Variants in SPIDR observed in about 807,000 individuals in gnomAD.
SPIDR encodes DNA repair-scaffolding protein.
In SPIDR, 93 loss-of-function variants were observed where a neutral mutation model predicts 104.6. That is an observed-to-expected ratio of 0.89 (90% CI 0.75 to 1.06). The LOEUF is 1.06. SPIDR is among the 50% of genes least tolerant of loss of function. The pLI is 0.00. For synonymous variants in SPIDR, 431 were observed against 416.9 expected (o/e 1.03, Z -0.41); for missense variants, 1,154 against 1,111.2 (o/e 1.04, Z -0.55).
At chr8:47,432,747 GA>G (rs1213940972) in intron 7 of SPIDR, among the ~76,000 whole-genome samples, 1 of 152,180 alleles carries the variant, frequency 6.6e-6, no homozygotes, top group Non-Finnish European at 1.5e-5. Context: ...TTGCTTGAAG[GA>G]AGCTACGGGA....
At chr8:47,303,035 C>T (rs2042452712) in intron 5 of SPIDR, among the ~76,000 whole-genome samples, 2 of 152,318 alleles carry the variant, frequency 1.3e-5, no homozygotes, top group African/African-American at 4.8e-5. Context: ...TTATGCCCTG[C>T]CCCCAGAGGT....
chr8:47,567,489 G>C (rs2058016850), intron 8 of SPIDR, among the ~76,000 whole-genome samples: 1 of 152,112 alleles, frequency 6.6e-6, no homozygotes, highest in South Asian at 2.1e-4. Flanking sequence ...AAAGTGCTGA[G>C]ATTACAGGTG....
chr8:47,301,509 C>T (rs2042086406), intron 5 of SPIDR, among the ~76,000 whole-genome samples: 1 of 151,622 alleles, frequency 6.6e-6, no homozygotes, highest in South Asian at 2.1e-4. Context: ...GGTTATTTTG[C>T]TCATTAGTTG....
chr8:47,454,630 A>G (rs1402677383), intron 8 of SPIDR, among the ~76,000 whole-genome samples: 1 of 152,174 alleles, frequency 6.6e-6, no homozygotes, highest in Non-Finnish European at 1.5e-5. Context: ...AACTTAAAGT[A>G]TAATAAAAAT....
intron 8 of SPIDR, among the ~76,000 whole-genome samples, chr8:47,587,297 A>G (rs2060351544): frequency 6.6e-6 from 1 of 152,098 alleles, no homozygotes. Context: ...ATCCTTCCTT[A>G]ATTGAATTGC....
chr8:47,424,180 A>G (rs1554683021), intron 7 of SPIDR, among the ~76,000 whole-genome samples: 1 of 152,212 alleles, frequency 6.6e-6, no homozygotes. Context: ...AACTGAGTTC[A>G]GGAGATGTGA....
intron 8 of SPIDR, chr8:47,547,178 G>C: frequency 3.1e-6 from 2 of 638,820 alleles, no homozygotes; most frequent in South Asian, 2.9e-5. Flanking sequence ...TGAGTCACCA[G>C]ATGAGGGATT....
At chr8:47,440,850 AT>A (rs1420172882) in intron 8 of SPIDR, among the ~76,000 whole-genome samples, 3 of 152,318 alleles carry the variant, frequency 2.0e-5, no homozygotes, top group African/African-American at 7.2e-5. Context: ...TAGAAAAATA[AT>A]TTTGTTAACA....
At chr8:47,539,372 G>A (rs1227173311) in intron 8 of SPIDR, among the ~76,000 whole-genome samples, 2 of 152,102 alleles carry the variant, frequency 1.3e-5, no homozygotes, top group African/African-American at 2.4e-5. Context: ...GCAGTGCCCA[G>A]AGCGAGGCCA....
At chr8:47,454,378 C>CA (rs1420693619) in intron 8 of SPIDR, among the ~76,000 whole-genome samples, 1 of 149,908 alleles carries the variant, frequency 6.7e-6, no homozygotes, top group Non-Finnish European at 1.5e-5. Flanking sequence ...ATCACAGGGA[C>CA]AAAAAACCAA....
chr8:47,373,556 G>T (rs973047417), intron 5 of SPIDR, among the ~76,000 whole-genome samples: 3 of 151,864 alleles, frequency 2.0e-5, no homozygotes, highest in Non-Finnish European at 4.4e-5. Flanking sequence ...TGCAGAACAT[G>T]CAGTTTTGTT....
chr8:47,318,254 C>T (rs1230692863), intron 5 of SPIDR, among the ~76,000 whole-genome samples: 1 of 152,146 alleles, frequency 6.6e-6, no homozygotes, highest in Non-Finnish European at 1.5e-5. Flanking sequence ...CTTAAAGGAC[C>T]TCATGGAGCT....
At chr8:47,585,134 C>T (rs754990333) in intron 8 of SPIDR, among the ~76,000 whole-genome samples, 1 of 152,024 alleles carries the variant, frequency 6.6e-6, no homozygotes, top group African/African-American at 2.4e-5. Context: ...CATATGCCTC[C>T]GTGTTAGGCA....
Position 47,470,293 on chromosome 8 carries a change from G to GT in SPIDR, c.1097+29757dup, listed in dbSNP as rs1396712275. On this transcript the variant is annotated intron_variant, in intron 8 of 19. Transcript: ENST00000297423. ...AGTTTTGTTTTTCGTTTTTGTTTTT[G>GT]TTTTTTGTTTTTTGAGATGGAATCT... is the stretch of plus-strand genomic sequence containing the variant. 5.9e-5 allele frequency among the ~76,000 whole-genome samples: 9 copies of GT among 151,884 alleles called. No homozygotes were observed. The East Asian group carries it at 1.7e-3, about 29-fold the overall frequency.
At chr8:47,296,905 A>G (rs901979570) in intron 5 of SPIDR, among the ~76,000 whole-genome samples, 7 of 152,266 alleles carry the variant, frequency 4.6e-5, no homozygotes, top group African/African-American at 1.7e-4. Context: ...GTCATCTACT[A>G]TATCTTTCAT....
intron 8 of SPIDR, among the ~76,000 whole-genome samples, chr8:47,526,282 T>G (rs1269049292): frequency 6.6e-6 from 1 of 152,218 alleles, no homozygotes; most frequent in African/African-American, 2.4e-5. Context: ...GTTATTTAAT[T>G]CTGGTCTGGT....
At chr8:47,442,910 T>G (rs888153924) in intron 8 of SPIDR, among the ~76,000 whole-genome samples, 1 of 152,192 alleles carries the variant, frequency 6.6e-6, no homozygotes, top group Non-Finnish European at 1.5e-5. Flanking sequence ...CCTTCTCAAC[T>G]TCTCATTTTT....
chr8:47,412,127 TG>T (rs2063618486), intron 7 of SPIDR, among the ~76,000 whole-genome samples: 1 of 152,212 alleles, frequency 6.6e-6, no homozygotes. Context: ...AGGATTGACT[TG>T]GCAATGCGGG....
intron 2 of SPIDR, among the ~76,000 whole-genome samples, chr8:47,282,719 C>G (rs2038033369): frequency 1.3e-5 from 2 of 152,226 alleles, no homozygotes; most frequent in Admixed American, 6.5e-5. Context: ...TGGAGTAGCA[C>G]TTTCAATTTC....
Sources: gnomAD v4.1 joint callset for allele counts (sites outside exome capture counted in the v4.1 genomes callset) on GRCh38, gnomAD v4.1.1 for gene constraint, MANE v1.5 for transcripts, NCBI Gene and HGNC (gene_info 2026-07-23, HGNC 2026-07-21) for gene names.